Variants in OTUD7B observed in about 807,000 individuals in gnomAD.
OTUD7B encodes the protein OTU domain-containing protein 7B.
OTUD7B carries 34 observed loss-of-function variants against 82.2 expected under a neutral mutation model. The ratio of observed to expected loss-of-function variants is 0.41; its 90% CI spans 0.31 to 0.55. OTUD7B has a LOEUF of 0.55. OTUD7B is among the 20% of genes least tolerant of loss of function. The pLI is 0.20. For missense variants in OTUD7B, 944 were observed against 1,062.1 expected, an observed-to-expected ratio of 0.89 and a Z score of 1.55; for synonymous variants, 398 against 402.7, an observed-to-expected ratio of 0.99 and a Z score of 0.14.
chr1:149,946,607 T>G (rs1647763450), intron 11 of OTUD7B, among the ~76,000 whole-genome samples: 1 of 150,644 alleles, frequency 6.6e-6, no homozygotes, highest in African/African-American at 2.4e-5. Flanking sequence ...CCGGGTGTGG[T>G]GGCGCACGTC....
chr1:150,061,631 T>C, the OTUD7B span, among the ~76,000 whole-genome samples: 1 of 152,206 alleles, frequency 6.6e-6, no homozygotes, highest in Non-Finnish European at 1.5e-5. Flanking sequence ...AGGCTGTTCA[T>C]AGCCAGCAGT....
At chr1:150,038,679 G>A in the OTUD7B span, among the ~76,000 whole-genome samples, 3 of 152,050 alleles carry the variant, frequency 2.0e-5, no homozygotes, top group South Asian at 2.1e-4. Flanking sequence ...GAGCCACCTC[G>A]CCCAGCCTAA....
chr1:150,000,021 G>A (rs1165357521), intron 1 of OTUD7B, among the ~76,000 whole-genome samples: 3 of 152,142 alleles, frequency 2.0e-5, no homozygotes, highest in Admixed American at 6.5e-5. Context: ...ATACAACTTT[G>A]ATTAGTTAAT....
the OTUD7B span, among the ~76,000 whole-genome samples, chr1:150,036,461 T>C: frequency 1.3e-4 from 20 of 152,092 alleles, no homozygotes; most frequent in East Asian, 3.9e-3. Flanking sequence ...GGTTTTGTCA[T>C]GTTGGCCAGG....
chr1:149,972,682 T>G (rs1423305122), intron 2 of OTUD7B, among the ~76,000 whole-genome samples: 2 of 152,224 alleles, frequency 1.3e-5, no homozygotes, highest in African/African-American at 4.8e-5. Context: ...TTTGTTTGTT[T>G]TGTTTTGTTG....
chr1:149,943,731 G>A lies in OTUD7B; in HGVS notation c.*126C>T. 1.0e-5 allele frequency: 11 copies of A among 1,093,370 alleles called. No individual in the cohort carries two copies. The highest frequency in any genetic ancestry group is 1.4e-5 in the Non-Finnish European group (10 of 740,478). 67.7% of individuals were successfully genotyped at this position (1,093,370 alleles called of 1,614,324 possible). A position where few individuals can be genotyped will look rare whatever the true frequency, so the allele number is the denominator to read the frequency against. On this transcript the variant is annotated 3_prime_UTR_variant, in exon 12 of 12. Coordinates refer to ENST00000581312, the MANE Select transcript of OTUD7B (RefSeq NM_020205.4). ...CACTCCTGTGTGCACACACTTAAAA[G>A]TTTCCAGCCAGGCTCCCACAAACAT...
rs1553785050 is a variant in OTUD7B, at chr1:150,002,350, AAAAC to A, written c.-67+8094_-67+8097del. Among the ~76,000 whole-genome samples the A allele has an allele frequency of 3.9e-5, 6 of 152,336 alleles. No homozygotes were observed. The East Asian group carries it at 9.6e-4, about 24-fold the overall frequency. On this transcript the variant is annotated intron_variant, in intron 1 of 11. Transcript: ENST00000581312. ...AGTGGCAGAGATAAAGACATGCAAC[AAAAC>A]AAATACCTTGACATTCTTCTACATC...
intron 11 of OTUD7B, among the ~76,000 whole-genome samples, chr1:149,945,891 T>A (rs1450352948): frequency 6.6e-6 from 1 of 151,196 alleles, no homozygotes; most frequent in Non-Finnish European, 1.5e-5. Context: ...AGAAACCCCA[T>A]CTCTACTAAA....
At chr1:150,007,222 T>C (rs1652728960) in intron 1 of OTUD7B, among the ~76,000 whole-genome samples, 1 of 152,232 alleles carries the variant, frequency 6.6e-6, no homozygotes, top group East Asian at 1.9e-4. Context: ...TTTCATTTAC[T>C]TGAATGCTCA....
At chr1:150,013,752 C>G (rs910494675), upstream of OTUD7B, among the ~76,000 whole-genome samples, 5 of 150,702 alleles carry the variant, frequency 3.3e-5, no homozygotes, top group African/African-American at 1.2e-4. Flanking sequence ...GAAACCCTGT[C>G]TCTACTAAAA....
At chr1:150,059,518 C>T in the OTUD7B span, among the ~76,000 whole-genome samples, 6 of 151,658 alleles carry the variant, frequency 4.0e-5, no homozygotes, top group Non-Finnish European at 7.4e-5. Flanking sequence ...TACAGGCATG[C>T]GCCATCACAC....
intron 8 of OTUD7B, 44 bp from the exon 9 acceptor site, chr1:149,949,822 C>G (rs1553772945): frequency 1.3e-6 from 2 of 1,584,734 alleles, no homozygotes; most frequent in South Asian, 1.1e-5. Flanking sequence ...GTGTTTCTGC[C>G]TAGTGGACAA....
chr1:149,991,199 C>T lies in OTUD7B; in HGVS notation c.-66-13623G>A, dbSNP rs587661248. Among the ~76,000 whole-genome samples the T allele has an allele frequency of 3.9e-5, 6 of 152,150 alleles. No individual in the cohort carries two copies. In the South Asian group the frequency reaches 8.3e-4, roughly 21 times the overall value. Reference sequence around the variant, plus strand: ...ATATCCATATTCACTACATTGTCTCCTAGCCACTACTACCCTCCCCACCTC... The same window carrying T: ...ATATCCATATTCACTACATTGTCTCTTAGCCACTACTACCCTCCCCACCTC... On this transcript the variant is annotated intron_variant, in intron 1 of 11. Transcript: ENST00000581312.
chr1:149,978,409 A>G (rs1369686605), intron 1 of OTUD7B, among the ~76,000 whole-genome samples: 9 of 152,156 alleles, frequency 5.9e-5, no homozygotes, highest in Admixed American at 5.9e-4. Context: ...CGGGAGGCTG[A>G]GGCAGGAGAA....
intron 1 of OTUD7B, among the ~76,000 whole-genome samples, chr1:150,006,064 G>T (rs184982523): frequency 1.2e-3 from 182 of 152,204 alleles, no homozygotes; most frequent in African/African-American, 4.1e-3. Flanking sequence ...TTCATCATCA[G>T]TGTACTCTCC....
intron 7 of OTUD7B, among the ~76,000 whole-genome samples, chr1:149,950,672 C>T (rs1648121726): frequency 6.6e-6 from 1 of 152,148 alleles, no homozygotes. Context: ...ACTGAAAGAA[C>T]AGCTTCACCA....
intron 1 of OTUD7B, among the ~76,000 whole-genome samples, chr1:150,006,888 A>G (rs1181298972): frequency 1.3e-5 from 2 of 152,224 alleles, no homozygotes; most frequent in Non-Finnish European, 2.9e-5. Context: ...AAGAGTCACA[A>G]TGTACGGATG....
chr1:150,026,262 TG>T, the OTUD7B span, among the ~76,000 whole-genome samples: 1 of 152,246 alleles, frequency 6.6e-6, no homozygotes, highest in Non-Finnish European at 1.5e-5. Context: ...TTATTTATTC[TG>T]GGTGGCCATT....
chr1:150,017,234 C>T, the OTUD7B span, among the ~76,000 whole-genome samples: 9 of 152,318 alleles, frequency 5.9e-5, no homozygotes, highest in Admixed American at 5.9e-4. Context: ...AAATCCCTGC[C>T]TCCAGGCCCT....
Sources: gnomAD v4.1 joint callset for allele counts (sites outside exome capture counted in the v4.1 genomes callset) on GRCh38, gnomAD v4.1.1 for gene constraint, MANE v1.5 for transcripts, NCBI Gene and HGNC (gene_info 2026-07-23, HGNC 2026-07-21) for gene names.